PTPRD: variants seen among roughly 807,000 people sequenced by gnomAD.
PTPRD encodes receptor-type tyrosine-protein phosphatase delta.
A neutral mutation model predicts 214.5 loss-of-function variants in PTPRD; 34 were observed. That is an observed-to-expected ratio of 0.16 (90% confidence interval 0.12 to 0.21). The LOEUF is 0.21. Among genes scored for constraint, PTPRD ranks in the 10% least tolerant of loss-of-function variants. The pLI is 1.00. For missense variants in PTPRD, 2,545 were observed against 2,398.7 expected (o/e 1.06, Z -1.27); for synonymous variants, 1,128 against 845.7 (o/e 1.33, Z -5.79).
chr9:8,782,841 T>C (rs747537620), intron 11 of PTPRD, among the ~76,000 whole-genome samples: 3 of 152,112 alleles, frequency 2.0e-5, no homozygotes, highest in Admixed American at 6.6e-5. Flanking sequence ...TGATCTGCCC[T>C]CCTTGGCCCC....
chr9:10,475,144 T>C (rs895314924), intron 2 of PTPRD, among the ~76,000 whole-genome samples: 6 of 151,736 alleles, frequency 4.0e-5, no homozygotes, highest in African/African-American at 1.2e-4. Context: ...TAGAGCAGAA[T>C]TGAAGGAGAC....
intron 20 of PTPRD, among the ~76,000 whole-genome samples, 170 bp downstream of exon 20, chr9:8,521,107 T>C (rs1250205385): frequency 6.6e-6 from 1 of 152,184 alleles, no homozygotes; most frequent in Admixed American, 6.5e-5. Context: ...AAAATCCGCC[T>C]ATCTAGGCTT....
intron 35 of PTPRD, among the ~76,000 whole-genome samples, chr9:8,406,055 G>C (rs1366549276): frequency 6.6e-6 from 1 of 152,020 alleles, no homozygotes; most frequent in Non-Finnish European, 1.5e-5. Flanking sequence ...TCCTTTCTTA[G>C]CCTGTGTTAA....
chr9:9,841,202 AGTGGT>A (rs2058252783), intron 5 of PTPRD, among the ~76,000 whole-genome samples: 1 of 152,178 alleles, frequency 6.6e-6, no homozygotes, highest in Non-Finnish European at 1.5e-5. Flanking sequence ...GGATAGGAGT[AGTGGT>A]AGTGGGGTTA....
At chr9:9,696,881 C>T (rs574547150) in intron 7 of PTPRD, among the ~76,000 whole-genome samples, 5 of 152,150 alleles carry the variant, frequency 3.3e-5, no homozygotes, top group South Asian at 2.1e-4. Context: ...TTCTCTCTCA[C>T]TTTCTTCCTT....
intron 37 of PTPRD, among the ~76,000 whole-genome samples, chr9:8,380,471 G>C (rs1209552237): frequency 1.3e-5 from 2 of 152,160 alleles, no homozygotes; most frequent in Non-Finnish European, 2.9e-5. Context: ...AGCTTAAACT[G>C]AGACAGTTCA....
chr9:9,539,129 G>T (rs2154270429), intron 8 of PTPRD, among the ~76,000 whole-genome samples: 1 of 151,964 alleles, frequency 6.6e-6, no homozygotes, highest in East Asian at 1.9e-4. Context: ...TAATAGCAAT[G>T]GGTAAAGAAG....
chr9:9,572,604 TA>T (rs2086852689), intron 8 of PTPRD, among the ~76,000 whole-genome samples: 1 of 136,550 alleles, frequency 7.3e-6, no homozygotes, highest in African/African-American at 3.3e-5. Flanking sequence ...TATATGTGTA[TA>T]TATATATCAT....
intron 9 of PTPRD, among the ~76,000 whole-genome samples, chr9:9,245,768 C>A (rs2099972797): frequency 6.6e-6 from 1 of 152,030 alleles, no homozygotes; most frequent in Non-Finnish European, 1.5e-5. Context: ...TAAATATATA[C>A]AATGTAAAAA....
intron 11 of PTPRD, among the ~76,000 whole-genome samples, chr9:8,910,328 C>G (rs969171737): frequency 3.3e-5 from 5 of 152,092 alleles, no homozygotes; most frequent in Non-Finnish European, 5.9e-5. Flanking sequence ...TGAGCCACCG[C>G]ACCTGGCCTT....
chr9:9,338,722 TG>T (rs1448182653), intron 9 of PTPRD, among the ~76,000 whole-genome samples: 1 of 152,148 alleles, frequency 6.6e-6, no homozygotes, highest in African/African-American at 2.4e-5. Context: ...TTTAAAGTTT[TG>T]GGACACATGT....
intron 2 of PTPRD, among the ~76,000 whole-genome samples, chr9:10,381,287 A>T (rs2097819980): frequency 6.6e-6 from 1 of 152,010 alleles, no homozygotes; most frequent in African/African-American, 2.4e-5. Context: ...ACCATTTCTT[A>T]AGTATTTTAG....
At chr9:8,746,392 A>G (rs1043711655) in intron 11 of PTPRD, among the ~76,000 whole-genome samples, 1 of 152,246 alleles carries the variant, frequency 6.6e-6, no homozygotes, top group African/African-American at 2.4e-5. Context: ...TGCATTTCCC[A>G]TACCAAGATG....
Position 10,190,386 on chromosome 9 carries a change from GAAAAAAAAAAAAAAAAAAA to G in PTPRD, c.-545+150558_-545+150576del, listed in dbSNP as rs66511711. Among the ~76,000 whole-genome samples the G allele has an allele frequency of 1.0e-4, 5 of 50,156 alleles. No homozygotes were observed. In the East Asian group the frequency reaches 2.1e-3, roughly 21 times the overall value. The allele number at this position is 50,156 out of a possible 152,430, so 32.9% of individuals were successfully genotyped here. On this transcript the variant is annotated intron_variant, in intron 3 of 45. Transcript: ENST00000381196. ...CTGGGCGTCAGAGACTCTATCTCCA[GAAAAAAAAAAAAAAAAAAA>G]AAAAAAAAAAAAAAACAAAAAGTCA... is the stretch of plus-strand genomic sequence containing the variant.
rs1491513823 is a variant in PTPRD, at chr9:9,947,316, T to TG, written c.-471-8707_-471-8706insC. Among the ~76,000 whole-genome samples, 56 of 79,122 alleles carry TG rather than the reference T, an allele frequency of 7.1e-4. 1 individual carries two copies. Among genetic ancestry groups the TG allele is most frequent in the African/African-American group, 3.7e-3 (50 of 13,622 alleles). 51.9% of individuals were successfully genotyped at this position (79,122 alleles called of 152,430 possible). A position where few individuals can be genotyped will look rare whatever the true frequency, so the allele number is the denominator to read the frequency against. ...ATTATATATATATTTTATATATATA[T>TG]TATATATATTATATATGTATTATAT... is the stretch of plus-strand genomic sequence containing the variant. On this transcript the variant is annotated intron_variant, in intron 4 of 45. Coordinates refer to ENST00000381196, the MANE Select transcript of PTPRD (RefSeq NM_002839.4).
At chr9:9,866,813 T>C (rs982311143) in intron 5 of PTPRD, among the ~76,000 whole-genome samples, 2 of 152,164 alleles carry the variant, frequency 1.3e-5, no homozygotes, top group African/African-American at 4.8e-5. Flanking sequence ...CTTCTAAGTT[T>C]AATGCCTAAA....
At chr9:8,376,960 A>G (rs968128371) in intron 37 of PTPRD, among the ~76,000 whole-genome samples, 8 of 152,110 alleles carry the variant, frequency 5.3e-5, no homozygotes, top group African/African-American at 1.9e-4. Context: ...ATTTTCCTGG[A>G]GAAAAATAAG....
At chr9:8,374,100 A>C (rs548022784) in intron 39 of PTPRD, among the ~76,000 whole-genome samples, 49 of 148,816 alleles carry the variant, frequency 3.3e-4, no homozygotes, top group Non-Finnish European at 4.9e-4. Flanking sequence ...TTAAACATAT[A>C]ATTACACACG....
chr9:10,146,377 A>G (rs2099023182), intron 3 of PTPRD, among the ~76,000 whole-genome samples: 1 of 152,062 alleles, frequency 6.6e-6, no homozygotes, highest in African/African-American at 2.4e-5. Context: ...CCCCTGTCCT[A>G]TATAAATTAC....
Sources: gnomAD v4.1 joint callset for allele counts (sites outside exome capture counted in the v4.1 genomes callset) on GRCh38, gnomAD v4.1.1 for gene constraint, MANE v1.5 for transcripts, NCBI Gene and HGNC (gene_info 2026-07-23, HGNC 2026-07-21) for gene names.